Variants in SLC6A3 observed in about 807,000 individuals in gnomAD.
SLC6A3 encodes solute carrier family 6 member 3.
SLC6A3 carries 19 observed loss-of-function variants against 70.4 expected under a neutral mutation model. That is an observed-to-expected ratio of 0.27 (90% CI 0.19 to 0.40). The LOEUF is 0.40. SLC6A3 is among the 10% of genes least tolerant of loss of function. The pLI, the probability that SLC6A3 is intolerant of heterozygous loss-of-function variation, is 1.00. For missense variants in SLC6A3, 613 were observed against 838.5 expected (o/e 0.73, Z 3.32); for synonymous variants, 368 against 356.6 (o/e 1.03, Z -0.36).
In SLC6A3 at chr5:1,443,035, C is replaced by A. The variant is rs751986313; in HGVS notation, c.163G>T (p.Val55Leu). ...STLTNPRQSPVEAQDRETWGK... is the reference protein window; with the variant it reads ...STLTNPRQSPLEAQDRETWGK... ...CAGGTCTCCCGATCCTGGGCCTCCACGGGGCTCTGCCGCGGGTTGGTGAGG... is the reference window on the plus strand; with the variant it reads ...CAGGTCTCCCGATCCTGGGCCTCCAAGGGGCTCTGCCGCGGGTTGGTGAGG... Residue 55 changes from valine (V) to leucine (L), a missense_variant, in exon 2 of 15, where the codon GTG becomes TTG. By Grantham distance (32) the Val-to-Leu change is conservative (BLOSUM62 1). Coordinates refer to ENST00000270349, the MANE Select transcript of SLC6A3 (RefSeq NM_001044.5). The A allele has an allele frequency of 4.3e-6, 7 of 1,614,236 alleles. No individual in the cohort carries two copies. In the East Asian group the frequency reaches 1.6e-4, roughly 36 times the overall value.
chr5:1,442,828 TC>T lies in SLC6A3; in HGVS notation c.286+83del. 7.1e-7 allele frequency: 1 copy of T among 1,400,146 alleles called. No individual in the cohort carries two copies. Among genetic ancestry groups the T allele is most frequent in the Non-Finnish European group, 1.0e-6 (1 of 988,928 alleles). The allele number at this position is 1,400,146 out of a possible 1,614,324, so 86.7% of individuals were successfully genotyped here. Reference sequence around the variant, plus strand: ...CTTCACGCATGGGAACAGCTTCATCTCGTTTCCGTACGTGCCTTGGCCCCGG... The same window carrying T: ...CTTCACGCATGGGAACAGCTTCATCTGTTTCCGTACGTGCCTTGGCCCCGG... On this transcript the variant is annotated intron_variant, in intron 2 of 14. Transcript: ENST00000270349. The surrounding 1 kb of genome is among the most constrained non-coding windows in gnomAD (Gnocchi z 5.0).
In SLC6A3 at chr5:1,440,188, T is replaced by C. The variant is rs1019677838; in HGVS notation, c.418+1171A>G. ...ATTAATCCATACATAGATGAATGGA[T>C]GGATGGATGGAACAATGGATAACAG... On this transcript the variant is annotated intron_variant, in intron 3 of 14. Transcript: ENST00000270349. Among the ~76,000 whole-genome samples the C allele has an allele frequency of 3.9e-5, 6 of 152,134 alleles. No homozygotes were observed. The South Asian group carries it at 1.0e-3, about 26-fold the overall frequency.
At chr5:1,443,855 TTTG>T (rs367593991) in intron 1 of SLC6A3, among the ~76,000 whole-genome samples, 2 of 151,756 alleles carry the variant, frequency 1.3e-5, no homozygotes, top group Non-Finnish European at 2.9e-5. Flanking sequence ...TGTGTGTTTT[TTTG>T]TTGTTGTTGT....
chr5:1,420,489 C>A (rs1756407156), intron 6 of SLC6A3, 80 bp downstream of exon 6: 1 of 1,551,634 alleles, frequency 6.4e-7, no homozygotes. Context: ...CACCTCTCAG[C>A]CCTGGCAGGC....
At chr5:1,431,689 T>G (rs1354250446) in intron 4 of SLC6A3, among the ~76,000 whole-genome samples, 4 of 122,562 alleles carry the variant, frequency 3.3e-5, no homozygotes, top group African/African-American at 1.3e-4. Flanking sequence ...GACTTTGTGG[T>G]TTGTGCCTGG....
chr5:1,420,424 C>G (rs1756406053), intron 6 of SLC6A3, 145 bp downstream of exon 6: 4 of 862,500 alleles, frequency 4.6e-6, no homozygotes, highest in Non-Finnish European at 7.9e-6. Context: ...TGCTGTATCA[C>G]AGGTACTTGG....
Position 1,397,256 on chromosome 5 carries a change from A to C in SLC6A3, c.1840-2498T>G, listed in dbSNP as rs1026608210. On this transcript the variant is annotated intron_variant, in intron 14 of 14. Transcript: ENST00000270349. This position sits in a 1 kb window ranked among gnomAD's most constrained non-coding sequence, Gnocchi z 4.7. ...GAATCCACAGATCTGGCCACAAAAC[A>C]TATCCAGAGAGGAAAAATAAAAAGA... Among the ~76,000 whole-genome samples, 4 of 152,200 alleles carry C rather than the reference A, an allele frequency of 2.6e-5. No individual in the cohort carries two copies. Among genetic ancestry groups the C allele is most frequent in the African/African-American group, 9.7e-5 (4 of 41,450 alleles).
chr5:1,443,347 G>A (rs1254715030), intron 1 of SLC6A3, 105 bp from the exon 2 acceptor site: 1 of 897,300 alleles, frequency 1.1e-6, no homozygotes, highest in Non-Finnish European at 1.8e-6. Flanking sequence ...GGCATTCACG[G>A]GCATTCCTCT....
chr5:1,417,648 C>G (rs750433011), intron 6 of SLC6A3, among the ~76,000 whole-genome samples: 1 of 152,256 alleles, frequency 6.6e-6, no homozygotes, highest in African/African-American at 2.4e-5. Flanking sequence ...GGTGAGGGCA[C>G]TGCGGAGACC....
intron 14 of SLC6A3, among the ~76,000 whole-genome samples, chr5:1,399,000 C>A (rs915015357): frequency 2.6e-5 from 4 of 152,142 alleles, no homozygotes; most frequent in Non-Finnish European, 5.9e-5. Context: ...CTCAAATGGA[C>A]AGAAGCAGAA....
chr5:1,422,805 TACCCACC>T (rs1756480012), intron 4 of SLC6A3, among the ~76,000 whole-genome samples: 1 of 81,928 alleles, frequency 1.2e-5, no homozygotes, highest in African/African-American at 5.9e-5. Flanking sequence ...CGGTGCTGGG[TACCCACC>T]GCTGCCCACA....
rs1345712766 is a variant in SLC6A3, at chr5:1,436,364, C to G, written c.419-3666G>C. 6.6e-6 allele frequency among the ~76,000 whole-genome samples: 1 copy of G among 152,186 alleles called. No individual in the cohort carries two copies. Among genetic ancestry groups the G allele is most frequent in the African/African-American group, 2.4e-5 (1 of 41,452 alleles). ...GCTCCAGATGAAGCTTCACCTGACA[C>G]ATTTCTTAAACACCATTTAGTGACA... On this transcript the variant is annotated intron_variant, in intron 3 of 14. Transcript: ENST00000270349. This position sits in a 1 kb window ranked among gnomAD's most constrained non-coding sequence, Gnocchi z 5.2.
At chr5:1,414,497 C>T (rs58923592) in intron 8 of SLC6A3, among the ~76,000 whole-genome samples, 194 bp downstream of exon 8, 3 of 44,848 alleles carry the variant, frequency 6.7e-5, no homozygotes, top group African/African-American at 2.7e-4. Context: ...AGGGTCAGGG[C>T]GGGGAAGGCG....
At position 1,394,674 on chromosome 5, in the gene SLC6A3, T is replaced by A; in HGVS notation, c.*61A>T. The stretch of plus-strand genomic sequence containing the variant: ...CTTTCTCTCGAAACTTAGATTTCCT[T>A]GGTTTGTTCGTGTCTCTCCCATTGC... On this transcript the variant is annotated 3_prime_UTR_variant, in exon 15 of 15. Coordinates refer to ENST00000270349, the MANE Select transcript of SLC6A3 (RefSeq NM_001044.5). This position sits in a 1 kb window ranked among gnomAD's most constrained non-coding sequence, Gnocchi z 4.7. The A allele has an allele frequency of 6.5e-7, 1 of 1,534,626 alleles. No individual in the cohort carries two copies.
rs1755749691 is a variant in SLC6A3 at position 1,397,524 on chromosome 5, G to C, written c.1840-2766C>G. On this transcript the variant is annotated intron_variant, in intron 14 of 14. Coordinates refer to ENST00000270349, the MANE Select transcript of SLC6A3 (RefSeq NM_001044.5). The surrounding 1 kb of genome is among the most constrained non-coding windows in gnomAD (Gnocchi z 4.7). ...GAGACACCGAAAGCAGAAGAAACTC[G>C]GCCGAGTGCAGGGGTGAGGACAGAG... 6.6e-6 allele frequency among the ~76,000 whole-genome samples: 1 copy of C among 152,152 alleles called. No homozygotes were observed.
intron 6 of SLC6A3, among the ~76,000 whole-genome samples, chr5:1,418,725 A>G (rs969282354): frequency 6.6e-6 from 1 of 150,694 alleles, no homozygotes; most frequent in Non-Finnish European, 1.5e-5. Context: ...CCATCCATCC[A>G]TCCACCCACC....
chr5:1,409,553 G>T (rs1340574828), intron 10 of SLC6A3, among the ~76,000 whole-genome samples, 168 bp downstream of exon 10: 2 of 152,252 alleles, frequency 1.3e-5, no homozygotes, highest in African/African-American at 2.4e-5. Context: ...AGCTCTGGAT[G>T]TGCAGTTACC....
At chr5:1,403,215 G>C in intron 12 of SLC6A3, 126 bp from the exon 13 acceptor site, 1 of 1,094,006 alleles carries the variant, frequency 9.1e-7, no homozygotes, top group Non-Finnish European at 1.3e-6. Flanking sequence ...TGCAGACCCC[G>C]GCCAGGCCTG....
At chr5:1,417,426 A>G (rs2126361125) in intron 6 of SLC6A3, among the ~76,000 whole-genome samples, 1 of 152,326 alleles carries the variant, frequency 6.6e-6, no homozygotes, top group Middle Eastern at 3.4e-3. Flanking sequence ...GCACACCAGC[A>G]ATGCCTGCTT....
Sources: allele counts gnomAD v4.1 joint callset (sites outside exome capture counted in the v4.1 genomes callset), GRCh38; gene constraint gnomAD v4.1.1; non-coding constraint Gnocchi (gnomAD v3.1); transcripts MANE v1.5; gene names NCBI Gene and HGNC (gene_info 2026-07-23, HGNC 2026-07-21).